Variants in SAMD4A observed in about 807,000 individuals in gnomAD.
SAMD4A encodes sterile alpha motif domain containing 4A.
A neutral mutation model predicts 81.3 loss-of-function variants in SAMD4A; 33 were observed. The ratio of observed to expected loss-of-function variants is 0.41; its 90% CI spans 0.31 to 0.54. The LOEUF (loss-of-function observed/expected upper bound fraction) is 0.54. Ranked by LOEUF, SAMD4A falls within the 20% of genes least tolerant of loss-of-function variation. The pLI is 0.37. For synonymous variants in SAMD4A, 389 were observed against 382.1 expected (o/e 1.02, Z -0.21); for missense variants, 854 against 951.1 (o/e 0.90, Z 1.34).
At chr14:54,760,529 G>T in intron 7 of SAMD4A, 35 bp downstream of exon 7, 1 of 1,381,600 alleles carries the variant, frequency 7.2e-7, no homozygotes, top group South Asian at 1.7e-5. Context: ...TTTTTCTTCT[G>T]GATACCACTA....
chr14:54,764,649 G>C (rs2038489547), intron 8 of SAMD4A, 109 bp downstream of exon 8: 1 of 708,056 alleles, frequency 1.4e-6, no homozygotes, highest in Admixed American at 2.5e-5. Flanking sequence ...GTTTTTGAGT[G>C]GTGGACAGTT....
chr14:54,583,252 C>T (rs2033524169), intron 2 of SAMD4A, among the ~76,000 whole-genome samples: 1 of 152,112 alleles, frequency 6.6e-6, no homozygotes. Context: ...TACAGGAACC[C>T]CAGCTAAATT....
At chr14:54,724,049 GAAT>G (rs1425198510) in intron 3 of SAMD4A, among the ~76,000 whole-genome samples, 80 of 149,320 alleles carry the variant, frequency 5.4e-4, no homozygotes, top group African/African-American at 1.9e-3. Flanking sequence ...AGGAAGGAAG[GAAT>G]AATGCAGGAC....
intron 8 of SAMD4A, among the ~76,000 whole-genome samples, chr14:54,764,785 G>A (rs1396288063): frequency 2.0e-5 from 3 of 152,166 alleles, no homozygotes; most frequent in East Asian, 3.9e-4. Flanking sequence ...CGCCTGCAAC[G>A]ACTTCTGGCT....
intron 2 of SAMD4A, among the ~76,000 whole-genome samples, chr14:54,609,094 GT>G (rs1248751881): frequency 1.3e-5 from 2 of 152,356 alleles, no homozygotes; most frequent in South Asian, 2.1e-4. Context: ...GTTACATGGA[GT>G]AGGGGGATTT....
intron 2 of SAMD4A, among the ~76,000 whole-genome samples, chr14:54,699,178 A>G (rs2036650267): frequency 6.6e-6 from 1 of 152,198 alleles, no homozygotes; most frequent in African/African-American, 2.4e-5. Flanking sequence ...GGCTTAATGA[A>G]TAGATTTTAT....
At chr14:54,727,557 T>C (rs752897743) in intron 3 of SAMD4A, among the ~76,000 whole-genome samples, 6 of 152,114 alleles carry the variant, frequency 3.9e-5, no homozygotes, top group Non-Finnish European at 8.8e-5. Context: ...TGGCACTAAA[T>C]AGACCACAAA....
intron 2 of SAMD4A, among the ~76,000 whole-genome samples, chr14:54,589,188 A>G (rs2033707849): frequency 6.6e-6 from 1 of 152,188 alleles, no homozygotes; most frequent in Non-Finnish European, 1.5e-5. Context: ...GTTACAATGG[A>G]TAAACGATTC....
Position 54,764,565 on chromosome 14 carries a change from A to T in SAMD4A, c.1596+25A>T, listed in dbSNP as rs372155424. The T allele has an allele frequency of 5.2e-5, 78 of 1,495,296 alleles. No individual in the cohort carries two copies. The African/African-American group carries it at 9.5e-4, about 18-fold the overall frequency. The allele number at this position is 1,495,296 out of a possible 1,614,324, so 92.6% of individuals were successfully genotyped here. A position where few individuals can be genotyped will look rare whatever the true frequency, so the allele number is the denominator to read the frequency against. On this transcript the variant is annotated intron_variant, in intron 8 of 12. Transcript: ENST00000554335. ...GGTGAGTAGTGACAGGTTTTACAAA[A>T]CCATTTTTTTTTTATTGCTTAGAAA... is the stretch of plus-strand genomic sequence containing the variant.
intron 6 of SAMD4A, among the ~76,000 whole-genome samples, chr14:54,751,803 C>T (rs916074050): frequency 6.6e-5 from 10 of 152,222 alleles, no homozygotes; most frequent in African/African-American, 2.4e-4. Flanking sequence ...CTGTCAAATG[C>T]ACCCTTTTTG....
At chr14:54,581,346 T>G (rs1410392380) in intron 2 of SAMD4A, among the ~76,000 whole-genome samples, 1 of 152,240 alleles carries the variant, frequency 6.6e-6, no homozygotes, top group Non-Finnish European at 1.5e-5. Flanking sequence ...TTCAGAGCTT[T>G]TGCACTGTTA....
At chr14:54,705,569 AGTTTTTGTTTTT>A (rs10590246) in intron 3 of SAMD4A, among the ~76,000 whole-genome samples, 20 of 151,410 alleles carry the variant, frequency 1.3e-4, no homozygotes, top group African/African-American at 4.4e-4. Context: ...CCACCTCCTT[AGTTTTTGTTTTT>A]GTTTTTGTTT....
chr14:54,675,122 T>C (rs2035962369), intron 2 of SAMD4A, among the ~76,000 whole-genome samples: 1 of 151,992 alleles, frequency 6.6e-6, no homozygotes, highest in South Asian at 2.1e-4. Flanking sequence ...TCCAAGCACT[T>C]TGGGAGGCTG....
intron 5 of SAMD4A, 78 bp from the exon 6 acceptor site, chr14:54,751,373 C>G (rs2140977083): frequency 1.1e-6 from 1 of 946,812 alleles, no homozygotes; most frequent in East Asian, 2.6e-5. Context: ...CAGTAAAAGC[C>G]TCCAAGAATC....
At chr14:54,769,883 G>A (rs2038655325) in intron 8 of SAMD4A, among the ~76,000 whole-genome samples, 1 of 152,204 alleles carries the variant, frequency 6.6e-6, no homozygotes, top group Non-Finnish European at 1.5e-5. Flanking sequence ...GTTGTCAACA[G>A]TTTGATGCGT....
chr14:54,782,711 T>C (rs1443077296), intron 11 of SAMD4A, among the ~76,000 whole-genome samples: 2 of 152,254 alleles, frequency 1.3e-5, no homozygotes, highest in African/African-American at 2.4e-5. Flanking sequence ...TTCTGAGATT[T>C]TTAAATAACG....
chr14:54,738,561 A>G (rs1487912842), intron 4 of SAMD4A, among the ~76,000 whole-genome samples: 1 of 152,210 alleles, frequency 6.6e-6, no homozygotes, highest in Non-Finnish European at 1.5e-5. Flanking sequence ...AGCAAAAGCC[A>G]TGTGTCACTT....
intron 2 of SAMD4A, among the ~76,000 whole-genome samples, chr14:54,594,686 T>C (rs1327792500): frequency 6.6e-6 from 1 of 152,202 alleles, no homozygotes; most frequent in Non-Finnish European, 1.5e-5. Flanking sequence ...GGTTGTACTT[T>C]TTCCCTTGGG....
At chr14:54,766,435 A>G (rs1262951287) in intron 8 of SAMD4A, among the ~76,000 whole-genome samples, 2 of 152,196 alleles carry the variant, frequency 1.3e-5, no homozygotes, top group African/African-American at 4.8e-5. Context: ...AGCCTCTGAT[A>G]AGGTCATCCC....
Sources: gnomAD v4.1 joint callset for allele counts (sites outside exome capture counted in the v4.1 genomes callset) on GRCh38, gnomAD v4.1.1 for gene constraint, MANE v1.5 for transcripts, NCBI Gene and HGNC (gene_info 2026-07-23, HGNC 2026-07-21) for gene names.